TENM4: variants seen among roughly 807,000 people sequenced by gnomAD.
TENM4 encodes teneurin transmembrane protein 4, also known as teneurin-4.
Under a neutral mutation model 243.3 loss-of-function variants are expected in TENM4, and 82 were observed. The observed-to-expected ratio is 0.34, with a 90% CI of 0.28 to 0.40. TENM4 has a LOEUF of 0.40. Ranked by LOEUF, TENM4 falls within the 10% of genes least tolerant of loss-of-function variation. The pLI is 1.00. For missense variants in TENM4, 3,138 were observed against 3,673.3 expected (o/e 0.85, Z 3.77); for synonymous variants, 1,412 against 1,456.3 (o/e 0.97, Z 0.69).
chr11:78,831,615 G>A (rs183182337), intron 12 of TENM4, among the ~76,000 whole-genome samples: 46 of 152,348 alleles, frequency 3.0e-4, no homozygotes, highest in African/African-American at 1.0e-3. Context: ...TTCAAAGGCA[G>A]ATGTTTTCAG....
At chr11:79,141,588 C>T (rs2135031157) in intron 4 of TENM4, among the ~76,000 whole-genome samples, 1 of 152,202 alleles carries the variant, frequency 6.6e-6, no homozygotes, top group South Asian at 2.1e-4. Flanking sequence ...ACCAATCCTA[C>T]TCAAACTATC....
chr11:79,334,932 C>G (rs1384150771), intron 1 of TENM4, among the ~76,000 whole-genome samples: 1 of 152,188 alleles, frequency 6.6e-6, no homozygotes, highest in East Asian at 1.9e-4. Flanking sequence ...CCTTTGGGGT[C>G]CTGCATCATA....
intron 1 of TENM4, among the ~76,000 whole-genome samples, chr11:79,375,039 A>C (rs1232636584): frequency 6.6e-6 from 1 of 152,186 alleles, no homozygotes; most frequent in Non-Finnish European, 1.5e-5. Flanking sequence ...AGAGAGAGGG[A>C]TTTCAAATAT....
chr11:78,982,611 C>T (rs1374887273), intron 6 of TENM4, among the ~76,000 whole-genome samples: 3 of 152,226 alleles, frequency 2.0e-5, no homozygotes, highest in Non-Finnish European at 4.4e-5. Flanking sequence ...TTCACACTCA[C>T]TGGAAAGTTG....
intron 1 of TENM4, among the ~76,000 whole-genome samples, chr11:79,377,162 A>G (rs1030251994): frequency 2.0e-5 from 3 of 152,194 alleles, no homozygotes; most frequent in African/African-American, 4.8e-5. Context: ...GCCACCAGAA[A>G]CTGGAAGAGG....
chr11:79,383,141 C>A (rs1286595457), intron 1 of TENM4, among the ~76,000 whole-genome samples: 4 of 152,180 alleles, frequency 2.6e-5, no homozygotes, highest in African/African-American at 9.6e-5. Context: ...TTTCTGGCCA[C>A]CCCTCACTGG....
intron 2 of TENM4, among the ~76,000 whole-genome samples, chr11:79,245,124 T>A (rs1855489658): frequency 6.6e-6 from 1 of 152,230 alleles, no homozygotes; most frequent in South Asian, 2.1e-4. Context: ...GGACTGAATC[T>A]TCTGAGCTGA....
intron 6 of TENM4, among the ~76,000 whole-genome samples, chr11:78,909,180 G>T (rs1856127271): frequency 6.6e-6 from 1 of 152,204 alleles, no homozygotes; most frequent in Admixed American, 6.5e-5. Flanking sequence ...GATGCTCATA[G>T]TCTAGTAAAG....
chr11:78,889,616 C>T (rs1019150181), intron 9 of TENM4, among the ~76,000 whole-genome samples, 169 bp downstream of exon 9: 2 of 152,232 alleles, frequency 1.3e-5, no homozygotes, highest in African/African-American at 2.4e-5. Flanking sequence ...TGAAGAGCTG[C>T]CCTTGCAGTG....
At chr11:79,086,835 C>CAAAAA (rs371315703) in intron 4 of TENM4, among the ~76,000 whole-genome samples, 10 of 89,066 alleles carry the variant, frequency 1.1e-4, no homozygotes, top group East Asian at 3.0e-4. Flanking sequence ...CTCTGTCTCG[C>CAAAAA]AAAAAAAAAA....
intron 1 of TENM4, among the ~76,000 whole-genome samples, chr11:79,399,141 C>T (rs1858405810): frequency 6.6e-6 from 1 of 152,148 alleles, no homozygotes; most frequent in Non-Finnish European, 1.5e-5. Flanking sequence ...CAGATCTCAC[C>T]CACCCAAATG....
At chr11:79,301,826 G>A (rs1565290170) in intron 1 of TENM4, among the ~76,000 whole-genome samples, 1 of 152,166 alleles carries the variant, frequency 6.6e-6, no homozygotes, top group African/African-American at 2.4e-5. Context: ...CTCCAGTCAT[G>A]TGAAGTATCG....
intron 6 of TENM4, among the ~76,000 whole-genome samples, chr11:78,956,889 T>A (rs1250540221): frequency 6.6e-6 from 1 of 152,210 alleles, no homozygotes; most frequent in Non-Finnish European, 1.5e-5. Context: ...ATACAAAATA[T>A]GCACTCCATT....
intron 2 of TENM4, among the ~76,000 whole-genome samples, chr11:79,294,073 G>C (rs1036879098): frequency 6.6e-6 from 1 of 152,214 alleles, no homozygotes; most frequent in Non-Finnish European, 1.5e-5. Context: ...GTCCCAGAGA[G>C]AGCAATCCTA....
rs147016093 is a variant in TENM4 at position 78,926,957 on chromosome 11, C to T, written c.494-23434G>A. On this transcript the variant is annotated intron_variant, in intron 6 of 33. Coordinates refer to ENST00000278550, the MANE Select transcript of TENM4 (RefSeq NM_001098816.3). ...AGATTAAAATCTTTATGATACTGTA[C>T]ATTTTTGTTGCTTGTTATAAAGCAT... Among the ~76,000 whole-genome samples, 369 of 152,272 alleles carry T rather than the reference C, an allele frequency of 2.4e-3. 5 individuals are homozygous for T. Among genetic ancestry groups the T allele is most frequent in the African/African-American group, 8.5e-3 (352 of 41,556 alleles).
rs185646010 is a variant in TENM4, at chr11:78,728,622, C to T, written c.3406+754G>A. The stretch of plus-strand genomic sequence containing the variant: ...ATTACTTCTCTGCTTCCTCATTCTG[C>T]CTTTGCTGAATCTCTACCTTTGCTG... On this transcript the variant is annotated intron_variant, in intron 22 of 33. Coordinates refer to ENST00000278550, the MANE Select transcript of TENM4 (RefSeq NM_001098816.3). Among the ~76,000 whole-genome samples the T allele has an allele frequency of 1.3e-3, 196 of 152,096 alleles. 1 individual carries two copies. The Middle Eastern group carries it at 0.014, about 11-fold the overall frequency.
At chr11:79,106,243 A>C (rs1355215097) in intron 4 of TENM4, among the ~76,000 whole-genome samples, 4 of 152,240 alleles carry the variant, frequency 2.6e-5, no homozygotes, top group Non-Finnish European at 5.9e-5. Context: ...TACCTAGATG[A>C]GGGAAGGAGG....
intron 7 of TENM4, among the ~76,000 whole-genome samples, chr11:78,900,854 T>G (rs113089268): frequency 0.017 from 2,555 of 152,246 alleles, 88 homozygotes; most frequent in African/African-American, 0.058. Context: ...AACCGTGCCT[T>G]GTTAGTTTTG....
intron 4 of TENM4, among the ~76,000 whole-genome samples, chr11:79,112,151 A>G (rs1002647664): frequency 3.9e-5 from 6 of 152,140 alleles, no homozygotes; most frequent in Non-Finnish European, 8.8e-5. Flanking sequence ...CCATCTTTGG[A>G]CACTTGAAAG....
Sources: gnomAD v4.1 joint callset for allele counts (sites outside exome capture counted in the v4.1 genomes callset) on GRCh38, gnomAD v4.1.1 for gene constraint, MANE v1.5 for transcripts, NCBI Gene and HGNC (gene_info 2026-07-23, HGNC 2026-07-21) for gene names.